Variants in MERTK observed in about 807,000 individuals in gnomAD.
MERTK encodes the protein MER proto-oncogene, tyrosine kinase.
Under a neutral mutation model 99.3 loss-of-function variants are expected in MERTK, and 69 were observed. That is an observed-to-expected ratio of 0.70 (90% CI 0.57 to 0.85). MERTK has a LOEUF of 0.85. Ranked by LOEUF, MERTK falls within the 40% of genes least tolerant of loss-of-function variation. MERTK has a pLI of 0.00. For synonymous variants in MERTK, 426 were observed against 467.6 expected (o/e 0.91, Z 1.15); for missense variants, 1,125 against 1,249.4 (o/e 0.90, Z 1.50).
At chr2:111,922,550 C>A (rs1165340429) in intron 1 of MERTK, among the ~76,000 whole-genome samples, 1 of 152,236 alleles carries the variant, frequency 6.6e-6, no homozygotes, top group African/African-American at 2.4e-5. Context: ...AGGGCCCAGA[C>A]CTGGCTTTAG....
At chr2:111,967,200 G>C (rs1240453913) in intron 5 of MERTK, among the ~76,000 whole-genome samples, 1 of 152,188 alleles carries the variant, frequency 6.6e-6, no homozygotes, top group African/African-American at 2.4e-5. Context: ...GCAGACCAGA[G>C]TTCAAGTCCC....
At chr2:111,918,526 A>C (rs1684396552) in intron 1 of MERTK, among the ~76,000 whole-genome samples, 1 of 152,224 alleles carries the variant, frequency 6.6e-6, no homozygotes, top group Admixed American at 6.5e-5. Context: ...GCCAGACAGT[A>C]TTGCCTCAGA....
chr2:111,937,136 A>T (rs908588109), intron 2 of MERTK, among the ~76,000 whole-genome samples: 1 of 151,900 alleles, frequency 6.6e-6, no homozygotes, highest in Non-Finnish European at 1.5e-5. Flanking sequence ...GTTTCATTAA[A>T]TTTTCTTTAT....
At chr2:111,933,886 C>T (rs1684719804) in intron 2 of MERTK, among the ~76,000 whole-genome samples, 1 of 126,106 alleles carries the variant, frequency 7.9e-6, no homozygotes, top group Admixed American at 9.0e-5. Flanking sequence ...CCCACCCCAA[C>T]AGGCCCCGAT....
intron 8 of MERTK, among the ~76,000 whole-genome samples, chr2:111,990,423 G>A (rs865811103): frequency 6.6e-6 from 1 of 152,192 alleles, no homozygotes; most frequent in African/African-American, 2.4e-5. Context: ...CAGCATCTTT[G>A]TCATATTTTG....
chr2:111,953,863 C>CCTGTACAT (rs1685100077), intron 4 of MERTK, among the ~76,000 whole-genome samples: 1 of 152,250 alleles, frequency 6.6e-6, no homozygotes, highest in Non-Finnish European at 1.5e-5. Context: ...GCGTGAGCCA[C>CCTGTACAT]TGTGCCCAGG....
intron 7 of MERTK, among the ~76,000 whole-genome samples, chr2:111,975,923 G>A (rs981341349): frequency 6.6e-6 from 1 of 152,078 alleles, no homozygotes; most frequent in Admixed American, 6.5e-5. Flanking sequence ...ATAGGTTGAG[G>A]ACTCAATCCC....
At position 111,946,289 on chromosome 2, in the gene MERTK, G is replaced by GA. The variant is rs1162466746; in HGVS notation, c.584-1100dup. On this transcript the variant is annotated intron_variant, in intron 3 of 18. Transcript: ENST00000295408. ...GGAGATTTTATTTGTCAGAATCCCA[G>GA]AAAAATGCCCAGAGCAGGAACATAT... 2.6e-5 allele frequency among the ~76,000 whole-genome samples: 4 copies of GA among 152,130 alleles called. No homozygotes were observed. The East Asian group carries it at 5.8e-4, about 22-fold the overall frequency.
chr2:111,958,837 A>G (rs144537156), intron 4 of MERTK, among the ~76,000 whole-genome samples: 5 of 152,122 alleles, frequency 3.3e-5, no homozygotes, highest in African/African-American at 1.2e-4. Context: ...CTATAACTGG[A>G]TAATGGATCT....
chr2:111,993,703 A>G (rs542843586), intron 8 of MERTK, among the ~76,000 whole-genome samples: 6 of 152,344 alleles, frequency 3.9e-5, no homozygotes, highest in Non-Finnish European at 8.8e-5. Flanking sequence ...CATACAAATA[A>G]AAGTAAAACC....
chr2:111,967,163 G>C (rs1316507862), intron 5 of MERTK, among the ~76,000 whole-genome samples: 1 of 152,164 alleles, frequency 6.6e-6, no homozygotes, highest in Non-Finnish European at 1.5e-5. Context: ...CCAGTGTCCT[G>C]TTGAGGGACA....
intron 8 of MERTK, among the ~76,000 whole-genome samples, chr2:111,985,161 A>G (rs146633489): frequency 5.3e-5 from 8 of 152,288 alleles, no homozygotes; most frequent in African/African-American, 1.7e-4. Flanking sequence ...TGCCCTTCCA[A>G]TGACTTTGCT....
chr2:111,909,842 G>A (rs6722124), intron 1 of MERTK, among the ~76,000 whole-genome samples: 148,233 of 152,164 alleles, frequency 0.97, 72,323 homozygotes, highest in Middle Eastern at 1. Context: ...AGTTCGGTCC[G>A]GGAACACTAT....
intron 2 of MERTK, among the ~76,000 whole-genome samples, chr2:111,941,671 G>A (rs1293585171): frequency 1.3e-5 from 2 of 152,080 alleles, no homozygotes; most frequent in Non-Finnish European, 2.9e-5. Context: ...CCCAGTGGGA[G>A]CCTTTCCCTT....
At chr2:111,983,951 G>A (rs534237138) in intron 8 of MERTK, among the ~76,000 whole-genome samples, 3 of 152,354 alleles carry the variant, frequency 2.0e-5, no homozygotes, top group Admixed American at 6.5e-5. Flanking sequence ...AGATTCTTTA[G>A]AGAAACAGCT....
intron 4 of MERTK, among the ~76,000 whole-genome samples, chr2:111,959,732 C>A (rs1289343387): frequency 6.6e-6 from 1 of 152,112 alleles, no homozygotes; most frequent in Non-Finnish European, 1.5e-5. Context: ...TGGACTCAAG[C>A]AATCCTCCTG....
chr2:111,951,944 CTGTT>C (rs1261143628), intron 4 of MERTK, among the ~76,000 whole-genome samples: 1 of 152,064 alleles, frequency 6.6e-6, no homozygotes, highest in African/African-American at 2.4e-5. Flanking sequence ...CTGTCCATCT[CTGTT>C]TGTCTAGAAC....
intron 16 of MERTK, among the ~76,000 whole-genome samples, chr2:112,019,835 G>C (rs1677298124): frequency 6.6e-6 from 1 of 152,206 alleles, no homozygotes; most frequent in Non-Finnish European, 1.5e-5. Flanking sequence ...TGGACCTAGA[G>C]TTATGTGTAC....
chr2:111,970,802 C>CCCT (rs1360043501), intron 6 of MERTK, among the ~76,000 whole-genome samples: 1 of 25,112 alleles, frequency 4.0e-5, no homozygotes, highest in Non-Finnish European at 8.0e-5. Context: ...TCCTCCTCCC[C>CCCT]CCTCCTCCTC....
Sources: gnomAD v4.1 joint callset for allele counts (sites outside exome capture counted in the v4.1 genomes callset) on GRCh38, gnomAD v4.1.1 for gene constraint, MANE v1.5 for transcripts, NCBI Gene and HGNC (gene_info 2026-07-23, HGNC 2026-07-21) for gene names.